Variants in CXADR observed in about 807,000 individuals in gnomAD.
The protein encoded by CXADR is coxsackievirus and adenovirus receptor.
In CXADR, 20 loss-of-function variants were observed where a neutral mutation model predicts 40.3. That is an observed-to-expected ratio of 0.50 (90% confidence interval 0.35 to 0.72). The LOEUF (loss-of-function observed/expected upper bound fraction) is 0.72. CXADR is among the 30% of genes least tolerant of loss of function. CXADR has a pLI of 0.01. For synonymous variants in CXADR, 150 were observed against 161.3 expected (o/e 0.93, Z 0.53); for missense variants, 332 against 449.1 (o/e 0.74, Z 2.36).
At chr21:17,516,008 A>G (rs1010575541) in intron 1 of CXADR, among the ~76,000 whole-genome samples, 1 of 152,126 alleles carries the variant, frequency 6.6e-6, no homozygotes, top group Non-Finnish European at 1.5e-5. Context: ...TTGGCTGCCT[A>G]CTAGTGAGTC....
At chr21:17,572,577 T>G (rs879731521), downstream of CXADR, among the ~76,000 whole-genome samples, 84 of 152,132 alleles carry the variant, frequency 5.5e-4, no homozygotes, top group Non-Finnish European at 1.1e-3. Flanking sequence ...TCCCGCTGAA[T>G]AGGTCTAGGG....
intron 6 of CXADR, among the ~76,000 whole-genome samples, chr21:17,562,099 G>A (rs2061131198): frequency 6.6e-6 from 1 of 152,104 alleles, no homozygotes; most frequent in Non-Finnish European, 1.5e-5. Context: ...CTATATTGTA[G>A]TCTAAAATGT....
At chr21:17,623,810 A>C in the CXADR span, among the ~76,000 whole-genome samples, 1 of 151,918 alleles carries the variant, frequency 6.6e-6, no homozygotes, top group Non-Finnish European at 1.5e-5. Flanking sequence ...TTTCCCCAAC[A>C]CCCCATAAGC....
chr21:17,612,907 C>T, the CXADR span: 28 of 151,958 alleles, frequency 1.8e-4, no homozygotes, highest in Non-Finnish European at 1.6e-4. Context: ...CGAGTGAGCG[C>T]AGCCCCAAAG....
the CXADR span, among the ~76,000 whole-genome samples, chr21:17,623,262 T>C: frequency 6.6e-6 from 1 of 152,142 alleles, no homozygotes; most frequent in Non-Finnish European, 1.5e-5. Context: ...CTCTTTATTT[T>C]GGAAGTATTT....
chr21:17,536,404 G>A (rs903434759), intron 1 of CXADR, among the ~76,000 whole-genome samples: 5 of 152,094 alleles, frequency 3.3e-5, no homozygotes, highest in South Asian at 2.1e-4. Flanking sequence ...TCATTGTTCG[G>A]GTTCTTTGCT....
intron 1 of CXADR, among the ~76,000 whole-genome samples, chr21:17,525,745 A>G (rs1162751391): frequency 1.3e-5 from 2 of 152,222 alleles, no homozygotes; most frequent in African/African-American, 2.4e-5. Flanking sequence ...TTTAAAGACA[A>G]TTGCACACGC....
In CXADR at chr21:17,558,958, A is replaced by G; in HGVS notation, c.416-18A>G. On this transcript the variant is annotated intron_variant, in intron 3 of 6. Transcript: ENST00000284878. ...TTCCATTCTCTTATGTAAATTTATA[A>G]TTTGTTTTCTCTTTCAGTTAAGCCT... 1 of 1,596,328 alleles carries G rather than the reference A, an allele frequency of 6.3e-7. No individual in the cohort carries two copies. Among genetic ancestry groups the G allele is most frequent in the Non-Finnish European group, 8.5e-7 (1 of 1,171,930 alleles).
intron 1 of CXADR, among the ~76,000 whole-genome samples, chr21:17,526,665 A>G (rs559187841): frequency 1.3e-5 from 2 of 152,206 alleles, no homozygotes; most frequent in African/African-American, 2.4e-5. Context: ...CACAACAGGG[A>G]TAATTTTCTT....
At chr21:17,610,248 A>G in the CXADR span, among the ~76,000 whole-genome samples, 1 of 152,226 alleles carries the variant, frequency 6.6e-6, no homozygotes, top group South Asian at 2.1e-4. Context: ...AAATTTCACT[A>G]TAGTAATGGT....
intron 1 of CXADR, among the ~76,000 whole-genome samples, chr21:17,522,400 G>A (rs564912445): frequency 2.6e-5 from 4 of 152,108 alleles, no homozygotes; most frequent in African/African-American, 4.8e-5. Flanking sequence ...CGCCCGCCTC[G>A]GCCTCCGAAA....
intron 1 of CXADR, among the ~76,000 whole-genome samples, chr21:17,533,715 G>A (rs935354127): frequency 1.3e-5 from 2 of 152,048 alleles, no homozygotes; most frequent in Admixed American, 1.3e-4. Flanking sequence ...TATTGTTAAG[G>A]TGATGGTTTC....
Position 17,551,889 on chromosome 21 carries a change from A to G in CXADR, c.351A>G (p.Thr117=), listed in dbSNP as rs2060974111. The change falls in exon 3 of 7, where the codon ACA becomes ACG. Residue 117 remains threonine, a synonymous_variant. Transcript: ENST00000284878. The part of the protein sequence containing the change: ...VTNLQLSDIG[T]YQCKVKKAPG... ...ATTTACAACTGTCAGATATTGGCAC[A>G]TATCAGTGCAAAGTGAAAAAAGCTC... The G allele has an allele frequency of 1.9e-6, 3 of 1,613,972 alleles. No individual in the cohort carries two copies. Among genetic ancestry groups the G allele is most frequent in the East Asian group, 2.2e-5 (1 of 44,860 alleles).
At chr21:17,525,352 C>T (rs912971834) in intron 1 of CXADR, among the ~76,000 whole-genome samples, 1 of 152,106 alleles carries the variant, frequency 6.6e-6, no homozygotes, top group South Asian at 2.1e-4. Context: ...ACTTTCCCAT[C>T]GTTAGATGTG....
rs1569130921 is a variant in CXADR at position 17,561,491 on chromosome 21, CAG to C, written c.833+16_833+17del. 1 of 1,599,218 alleles carries C rather than the reference CAG, an allele frequency of 6.3e-7. No individual in the cohort carries two copies. Among genetic ancestry groups the C allele is most frequent in the South Asian group, 1.1e-5 (1 of 88,374 alleles). On this transcript the variant is annotated intron_variant, in intron 6 of 6. Coordinates refer to ENST00000284878, the MANE Select transcript of CXADR (RefSeq NM_001338.5). ...CACGATATCAGGTAATTAAGTGAGA[CAG>C]GAGTTGACTGATGTATACCAAATAT... is the stretch of plus-strand genomic sequence containing the variant.
At chr21:17,594,235 G>C, downstream of CXADR, 6 of 1,613,332 alleles carry the variant, frequency 3.7e-6, no homozygotes, top group Non-Finnish European at 5.1e-6. Context: ...AACAGGAGGA[G>C]GATAGTGATT....
rs1015318285 is a variant in CXADR at position 17,547,984 on chromosome 21, A to G, written c.210+791A>G. ...ATAATCTCATCTCCAAATATATGTC[A>G]TGTTTTACCTTTTCAATGGTTCTAG... On this transcript the variant is annotated intron_variant, in intron 2 of 6. Transcript: ENST00000284878. Among the ~76,000 whole-genome samples the G allele has an allele frequency of 2.6e-5, 4 of 152,152 alleles. No individual in the cohort carries two copies. The South Asian group carries it at 6.2e-4, about 24-fold the overall frequency.
Position 17,566,911 on chromosome 21 carries a change from A to C in CXADR, c.*1219A>C, listed in dbSNP as rs1027182120. The C allele has an allele frequency of 7.1e-6, 7 of 983,794 alleles. No homozygotes were observed. The African/African-American group carries it at 1.2e-4, about 17-fold the overall frequency. 60.9% of individuals were successfully genotyped at this position (983,794 alleles called of 1,614,324 possible). On this transcript the variant is annotated 3_prime_UTR_variant, in exon 7 of 7. Transcript: ENST00000284878. ...CAGCAAATCAAGCTGAGCTTTGAAA[A>C]AGTTTGTCTTAGTTTTGTGAAGGTG... is the stretch of plus-strand genomic sequence containing the variant.
In CXADR at chr21:17,545,781, G is replaced by GTT. The variant is rs72153877; in HGVS notation, c.44-1232_44-1231dup. ...ATGAGTCAACTATTTGGTTTTTTTT[G>GTT]TTTTTTTTTTTTTTTGAGACAGAGT... On this transcript the variant is annotated intron_variant, in intron 1 of 6. Coordinates refer to ENST00000284878, the MANE Select transcript of CXADR (RefSeq NM_001338.5). Among the ~76,000 whole-genome samples the GTT allele has an allele frequency of 1.4e-4, 17 of 120,688 alleles. 1 individual carries two copies. The highest frequency in any genetic ancestry group is 4.7e-4 in the East Asian group (2 of 4,236). 79.2% of individuals were successfully genotyped at this position (120,688 alleles called of 152,430 possible).
Sources: gnomAD v4.1 joint callset for allele counts (sites outside exome capture counted in the v4.1 genomes callset) on GRCh38, gnomAD v4.1.1 for gene constraint, MANE v1.5 for transcripts, NCBI Gene and HGNC (gene_info 2026-07-23, HGNC 2026-07-21) for gene names.